Variants in ULK4 observed in about 807,000 individuals in gnomAD.
The protein encoded by ULK4 is inactive serine/threonine-protein kinase ULK4.
A neutral mutation model predicts 160.6 loss-of-function variants in ULK4; 133 were observed. The observed-to-expected ratio is 0.83, with a 90% CI of 0.72 to 0.96. ULK4 has a LOEUF of 0.96. Ranked by LOEUF, ULK4 falls within the 40% of genes least tolerant of loss-of-function variation. The pLI is 0.00. For missense variants in ULK4, 1,580 were observed against 1,499.5 expected, an observed-to-expected ratio of 1.05 and a Z score of -0.89; for synonymous variants, 534 against 539.8, an observed-to-expected ratio of 0.99 and a Z score of 0.15.
intron 35 of ULK4, among the ~76,000 whole-genome samples, chr3:41,266,893 T>C (rs1044024098): frequency 2.6e-5 from 4 of 151,750 alleles, no homozygotes; most frequent in African/African-American, 4.8e-5. Flanking sequence ...AGTCGACTTA[T>C]GTGGAGCAAA....
chr3:41,447,693 C>G (rs1014634156), intron 34 of ULK4, among the ~76,000 whole-genome samples: 1 of 152,114 alleles, frequency 6.6e-6, no homozygotes, highest in African/African-American at 2.4e-5. Flanking sequence ...TCCTAGGGCT[C>G]GGTTTTTATG....
intron 21 of ULK4, among the ~76,000 whole-genome samples, chr3:41,770,994 T>C (rs2039338292): frequency 6.6e-6 from 1 of 152,166 alleles, no homozygotes; most frequent in East Asian, 1.9e-4. Context: ...CGAAGACCTG[T>C]AGATTGAAAG....
rs1295544829 is a variant in ULK4 at position 41,377,822 on chromosome 3, C to G, written c.3678+20257G>C. On this transcript the variant is annotated intron_variant, in intron 35 of 36. Coordinates refer to ENST00000301831, the MANE Select transcript of ULK4 (RefSeq NM_017886.4). ...ATTGTGGAAGTCAGTGTGGCAATTC[C>G]TCAGGGATCTAGAACTAGAAATACC... Among the ~76,000 whole-genome samples, 118 of 147,926 alleles carry G rather than the reference C, an allele frequency of 8.0e-4. 1 individual carries two copies. Among genetic ancestry groups the G allele is most frequent in the Non-Finnish European group, 1.2e-3 (83 of 67,562 alleles).
At chr3:41,307,415 G>A (rs948819946) in intron 35 of ULK4, among the ~76,000 whole-genome samples, 65 of 152,192 alleles carry the variant, frequency 4.3e-4, no homozygotes, top group African/African-American at 1.5e-3. Flanking sequence ...TTTTCTTGAT[G>A]ATAAAGATGC....
chr3:41,888,556 AG>A (rs1697809244), intron 16 of ULK4, among the ~76,000 whole-genome samples: 1 of 152,210 alleles, frequency 6.6e-6, no homozygotes, highest in African/African-American at 2.4e-5. Context: ...CAACTGCACA[AG>A]GAACAATTGT....
chr3:41,882,774 T>C (rs1359020074), intron 17 of ULK4, among the ~76,000 whole-genome samples: 3 of 152,154 alleles, frequency 2.0e-5, no homozygotes, highest in Non-Finnish European at 2.9e-5. Context: ...TTAAGTTCTC[T>C]CCCATCTCCT....
At chr3:41,868,281 A>G (rs1229815107) in intron 17 of ULK4, among the ~76,000 whole-genome samples, 1 of 152,188 alleles carries the variant, frequency 6.6e-6, no homozygotes, top group Non-Finnish European at 1.5e-5. Flanking sequence ...TTTCACACAG[A>G]CAAATTAAGG....
At chr3:41,719,385 T>C (rs913222680) in intron 22 of ULK4, among the ~76,000 whole-genome samples, 1 of 152,208 alleles carries the variant, frequency 6.6e-6, no homozygotes, top group South Asian at 2.1e-4. Context: ...CTAAGTTATA[T>C]GCCAATATAT....
chr3:41,939,595 T>C (rs952241672), intron 2 of ULK4, among the ~76,000 whole-genome samples: 1 of 152,108 alleles, frequency 6.6e-6, no homozygotes, highest in South Asian at 2.1e-4. Context: ...TTCTACAATC[T>C]ACTTTTAAAA....
At chr3:41,941,755 C>CAAAAAAAAAA (rs565727539) in intron 2 of ULK4, among the ~76,000 whole-genome samples, 407 of 30,690 alleles carry the variant, frequency 0.013, 27 homozygotes, top group East Asian at 0.03. Context: ...GACTCTGTCT[C>CAAAAAAAAAA]AAAAAAAAAA....
chr3:41,333,539 C>G (rs1532015), intron 35 of ULK4, among the ~76,000 whole-genome samples: 81,255 of 151,984 alleles, frequency 0.53, 23,205 homozygotes, highest in African/African-American at 0.75. Context: ...TTGGTGTCTG[C>G]TACCTTTTTA....
intron 20 of ULK4, among the ~76,000 whole-genome samples, chr3:41,795,051 T>C (rs970143314): frequency 2.0e-5 from 3 of 152,160 alleles, no homozygotes; most frequent in Non-Finnish European, 2.9e-5. Context: ...TATCATCAAA[T>C]GTATCCATTA....
rs138610411 is a variant in ULK4 at position 41,396,437 on chromosome 3, T to G, written c.3678+1642A>C. Among the ~76,000 whole-genome samples the G allele has an allele frequency of 9.4e-4, 143 of 152,266 alleles. No individual in the cohort carries two copies. In the East Asian group the frequency reaches 0.027, roughly 28 times the overall value. On this transcript the variant is annotated intron_variant, in intron 35 of 36. Coordinates refer to ENST00000301831, the MANE Select transcript of ULK4 (RefSeq NM_017886.4). ...AATATTTTCCAAGCTTCTGACATTC[T>G]CTACCATATTCACAGTTTTGCCATA...
At chr3:41,719,788 C>A (rs993288193) in intron 22 of ULK4, among the ~76,000 whole-genome samples, 2 of 152,080 alleles carry the variant, frequency 1.3e-5, no homozygotes, top group African/African-American at 4.8e-5. Context: ...CAGGTCACTC[C>A]CCTATTTAAA....
At chr3:41,490,271 G>A (rs36005802) in intron 32 of ULK4, among the ~76,000 whole-genome samples, 5 of 152,116 alleles carry the variant, frequency 3.3e-5, no homozygotes, top group African/African-American at 9.7e-5. Flanking sequence ...AAGGGAGCCT[G>A]AGCATCACGC....
At chr3:41,521,483 A>G (rs920405530) in intron 32 of ULK4, among the ~76,000 whole-genome samples, 1 of 152,142 alleles carries the variant, frequency 6.6e-6, no homozygotes, top group Non-Finnish European at 1.5e-5. Flanking sequence ...TTCCCACCCT[A>G]AACTCTTAGG....
At chr3:41,591,439 G>A (rs1260417042) in intron 31 of ULK4, among the ~76,000 whole-genome samples, 3 of 151,506 alleles carry the variant, frequency 2.0e-5, no homozygotes, top group African/African-American at 2.4e-5. Flanking sequence ...GGCCACACTG[G>A]AAGAAGAATT....
At chr3:41,301,717 T>C (rs1360818249) in intron 35 of ULK4, among the ~76,000 whole-genome samples, 1 of 152,178 alleles carries the variant, frequency 6.6e-6, no homozygotes, top group African/African-American at 2.4e-5. Flanking sequence ...ATCAAAAGGC[T>C]GAATCACCAT....
At chr3:41,844,704 G>A (rs1029433152) in intron 17 of ULK4, among the ~76,000 whole-genome samples, 3 of 151,906 alleles carry the variant, frequency 2.0e-5, no homozygotes, top group Non-Finnish European at 2.9e-5. Context: ...GGGCTGTGAG[G>A]GCTGCCAGCA....
Sources: allele counts gnomAD v4.1 joint callset (sites outside exome capture counted in the v4.1 genomes callset), GRCh38; gene constraint gnomAD v4.1.1; transcripts MANE v1.5; gene names NCBI Gene and HGNC (gene_info 2026-07-23, HGNC 2026-07-21).